PECR: variants seen among roughly 807,000 people sequenced by gnomAD.
PECR encodes 2,4-dienoyl-CoA reductase-related protein.
A neutral mutation model predicts 35.3 loss-of-function variants in PECR; 30 were observed. That is an observed-to-expected ratio of 0.85 (90% CI 0.64 to 1.15). The LOEUF (loss-of-function observed/expected upper bound fraction) is 1.15, where lower values mean the gene tolerates loss of function less well. Among genes scored for constraint, PECR ranks in the 50% most tolerant of loss-of-function variants. The pLI is 0.00. For missense variants in PECR, 392 were observed against 370.8 expected (o/e 1.06, Z -0.47); for synonymous variants, 148 against 138.9 (o/e 1.07, Z -0.46).
At chr2:216,055,113 CAA>C (rs955021535) in intron 4 of PECR, among the ~76,000 whole-genome samples, 24 of 54,430 alleles carry the variant, frequency 4.4e-4, no homozygotes, top group East Asian at 5.7e-4. Context: ...CTGTGTCTTA[CAA>C]AAAAAAAAAA....
chr2:216,071,994 CA>C (rs1443072798), intron 1 of PECR, among the ~76,000 whole-genome samples: 1 of 152,166 alleles, frequency 6.6e-6, no homozygotes, highest in Admixed American at 6.5e-5. Context: ...CAATGCCATG[CA>C]AAAGCAAAGA....
At chr2:216,066,662 A>T (rs1357906514) in intron 1 of PECR, 144 bp from the exon 2 acceptor site, 1 of 764,292 alleles carries the variant, frequency 1.3e-6, no homozygotes, top group Non-Finnish European at 2.3e-6. Context: ...ATATTGAAAA[A>T]ATATATCATG....
chr2:216,071,574 C>T (rs1409076093), intron 1 of PECR, among the ~76,000 whole-genome samples: 1 of 152,180 alleles, frequency 6.6e-6, no homozygotes, highest in Admixed American at 6.5e-5. Flanking sequence ...CTTCTCCCTT[C>T]GTGGAGAAGG....
chr2:216,035,520 C>T (rs1694780031), downstream of PECR, among the ~76,000 whole-genome samples: 2 of 148,236 alleles, frequency 1.3e-5, no homozygotes, highest in Admixed American at 1.3e-4. Context: ...CAGGGTCTTA[C>T]TCTGTCACCT....
intron 7 of PECR, among the ~76,000 whole-genome samples, chr2:216,030,907 C>G (rs1030465603): frequency 6.7e-6 from 1 of 150,100 alleles, no homozygotes; most frequent in Non-Finnish European, 1.5e-5. Flanking sequence ...TTTGAACACA[C>G]AAGCCCACTA....
intron 1 of PECR, among the ~76,000 whole-genome samples, chr2:216,075,904 G>A (rs1208152874): frequency 1.3e-5 from 2 of 152,108 alleles, no homozygotes; most frequent in Non-Finnish European, 2.9e-5. Flanking sequence ...CCTAATTTAT[G>A]TTCTACTGTA....
At chr2:216,055,098 C>T (rs1339418363) in intron 4 of PECR, among the ~76,000 whole-genome samples, 4 of 121,998 alleles carry the variant, frequency 3.3e-5, no homozygotes, top group Admixed American at 2.7e-4. Context: ...GGTGATAGAG[C>T]GAGACTGTGT....
chr2:216,053,178 G>A (rs554531785), intron 4 of PECR, among the ~76,000 whole-genome samples: 49 of 151,808 alleles, frequency 3.2e-4, no homozygotes, highest in African/African-American at 1.1e-3. Flanking sequence ...TACAAATTGA[G>A]TATGCCTTAT....
chr2:216,047,096 T>C (rs1200709687), intron 6 of PECR, among the ~76,000 whole-genome samples: 2 of 152,008 alleles, frequency 1.3e-5, no homozygotes, highest in Non-Finnish European at 2.9e-5. Context: ...GAAGAAACCC[T>C]GTCTCTACAA....
intron 3 of PECR, 74 bp from the exon 4 acceptor site, chr2:216,059,050 A>G (rs569703372): frequency 2.0e-4 from 176 of 872,738 alleles, no homozygotes; most frequent in Non-Finnish European, 3.2e-4. Flanking sequence ...GTTTCAGCAC[A>G]CTGCCTGTTT....
At chr2:216,043,602 A>C (rs1350826861) in intron 7 of PECR, among the ~76,000 whole-genome samples, 1 of 152,114 alleles carries the variant, frequency 6.6e-6, no homozygotes, top group Non-Finnish European at 1.5e-5. Flanking sequence ...AAACTATAGC[A>C]TGCTCTTGCC....
intron 1 of PECR, among the ~76,000 whole-genome samples, chr2:216,079,433 T>A (rs1339832630): frequency 6.6e-6 from 1 of 151,158 alleles, no homozygotes; most frequent in Non-Finnish European, 1.5e-5. Context: ...AGCGGCACGA[T>A]CTTGGCTCAC....
At chr2:216,062,419 C>G (rs1198883417) in intron 3 of PECR, among the ~76,000 whole-genome samples, 1 of 152,148 alleles carries the variant, frequency 6.6e-6, no homozygotes, top group Non-Finnish European at 1.5e-5. Flanking sequence ...ACAGATCCAA[C>G]ATTTTTCCAA....
intron 4 of PECR, among the ~76,000 whole-genome samples, chr2:216,053,560 T>G (rs991741822): frequency 7.2e-5 from 11 of 152,074 alleles, no homozygotes; most frequent in Non-Finnish European, 1.2e-4. Flanking sequence ...GTTCAGATTT[T>G]GGAATATTTG....
chr2:216,038,305 T>C (rs1274320459), downstream of PECR: 1 of 152,142 alleles, frequency 6.6e-6, no homozygotes, highest in Non-Finnish European at 1.5e-5. Flanking sequence ...TGAAATTTTG[T>C]TTTTGCCTAC....
chr2:216,070,841 C>G (rs1323216250), intron 1 of PECR, among the ~76,000 whole-genome samples: 4 of 152,190 alleles, frequency 2.6e-5, no homozygotes. Context: ...AACACTTGCG[C>G]CTGGGTCGTG....
intron 3 of PECR, among the ~76,000 whole-genome samples, chr2:216,062,928 C>G (rs551689704): frequency 1.3e-5 from 2 of 152,284 alleles, no homozygotes; most frequent in Admixed American, 1.3e-4. Context: ...GTGTAGCAGG[C>G]TATACCATCT....
At chr2:216,054,630 C>G (rs1695189621) in intron 4 of PECR, among the ~76,000 whole-genome samples, 1 of 151,766 alleles carries the variant, frequency 6.6e-6, no homozygotes. Flanking sequence ...GCCACTGCAT[C>G]CAGCCCCACT....
chr2:216,066,974 T>C (rs984229356), intron 1 of PECR, among the ~76,000 whole-genome samples: 2 of 152,148 alleles, frequency 1.3e-5, no homozygotes, highest in South Asian at 2.1e-4. Flanking sequence ...ACAAAATATA[T>C]GAAATGATGG....
Sources: gnomAD v4.1 joint callset for allele counts (sites outside exome capture counted in the v4.1 genomes callset) on GRCh38, gnomAD v4.1.1 for gene constraint, MANE v1.5 for transcripts, NCBI Gene and HGNC (gene_info 2026-07-23, HGNC 2026-07-21) for gene names.